Variants in DLG2 observed in about 807,000 individuals in gnomAD.
DLG2 encodes discs large MAGUK scaffold protein 2, also known as disks large homolog 2.
A neutral mutation model predicts 132.5 loss-of-function variants in DLG2; 45 were observed. That is an observed-to-expected ratio of 0.34 (90% confidence interval 0.27 to 0.44). The LOEUF is 0.44. DLG2 is among the 20% of genes least tolerant of loss of function. The pLI, the probability that DLG2 is intolerant of heterozygous loss-of-function variation, is 1.00. For synonymous variants in DLG2, 424 were observed against 419.6 expected (o/e 1.01, Z -0.13); for missense variants, 1,045 against 1,196.9 (o/e 0.87, Z 1.87).
intron 7 of DLG2, among the ~76,000 whole-genome samples, chr11:84,262,639 A>G (rs1272188656): frequency 2.0e-5 from 3 of 152,112 alleles, no homozygotes; most frequent in Non-Finnish European, 4.4e-5. Flanking sequence ...CGAGCAGTAT[A>G]CACTGCACCA....
At chr11:83,980,832 G>A (rs141737777) in intron 11 of DLG2, among the ~76,000 whole-genome samples, 190 bp from the exon 12 acceptor site, 327 of 152,250 alleles carry the variant, frequency 2.1e-3, no homozygotes, top group African/African-American at 6.9e-3. Flanking sequence ...ATGCAAATGA[G>A]GCAAAGATTT....
intron 15 of DLG2, among the ~76,000 whole-genome samples, chr11:83,878,802 C>T (rs560611434): frequency 7.2e-5 from 11 of 152,124 alleles, no homozygotes; most frequent in Non-Finnish European, 1.5e-4. Context: ...AGTCCCCTGT[C>T]GCCTGGTAGA....
At position 84,197,073 on chromosome 11, in the gene DLG2, A is replaced by G. The variant is rs529246059; in HGVS notation, c.574-33562T>C. 4.8e-4 allele frequency among the ~76,000 whole-genome samples: 73 copies of G among 151,680 alleles called. 1 individual carries two copies. The highest frequency in any genetic ancestry group is 1.7e-3 in the African/African-American group (71 of 41,482). The stretch of plus-strand genomic sequence containing the variant: ...AAAAAAAAAGAAAGAAAAGAAAAAA[A>G]AAACGAAAGAAAGAAATTGAAATAA... On this transcript the variant is annotated intron_variant, in intron 8 of 27. Transcript: ENST00000376104.
intron 3 of DLG2, among the ~76,000 whole-genome samples, chr11:85,543,468 G>A (rs1439205905): frequency 6.6e-6 from 1 of 152,146 alleles, no homozygotes; most frequent in Non-Finnish European, 1.5e-5. Context: ...GATCTTTATA[G>A]TAGAATGATT....
intron 6 of DLG2, among the ~76,000 whole-genome samples, chr11:84,991,490 C>T (rs1368888430): frequency 5.2e-5 from 6 of 114,748 alleles, no homozygotes; most frequent in Admixed American, 1.2e-4. Context: ...GCCTGGGCAA[C>T]AGAGTGAGAC....
At chr11:85,326,331 A>G (rs1024706886) in intron 3 of DLG2, among the ~76,000 whole-genome samples, 1 of 143,158 alleles carries the variant, frequency 7.0e-6, no homozygotes, top group Non-Finnish European at 1.5e-5. Context: ...CAGATTCACC[A>G]AAGTTGAAAT....
At position 84,367,449 on chromosome 11, in the gene DLG2, A is replaced by C. The variant is rs146253451; in HGVS notation, c.520-116158T>G. 4.1e-3 allele frequency among the ~76,000 whole-genome samples: 622 copies of C among 152,240 alleles called. 5 individuals are homozygous for C. Among genetic ancestry groups the C allele is most frequent in the African/African-American group, 0.014 (586 of 41,564 alleles). ...AACTGTAGTTGTCAAGTCCCATTCAAGCAGGATGATTGTTTGAAGTCTCGA... is the reference window on the plus strand; with the variant it reads ...AACTGTAGTTGTCAAGTCCCATTCACGCAGGATGATTGTTTGAAGTCTCGA... On this transcript the variant is annotated intron_variant, in intron 7 of 27. Transcript: ENST00000376104.
chr11:84,330,909 T>C (rs2098455526), intron 7 of DLG2, among the ~76,000 whole-genome samples: 1 of 152,252 alleles, frequency 6.6e-6, no homozygotes, highest in South Asian at 2.1e-4. Flanking sequence ...TTAGTGAACC[T>C]AGAACATAGG....
chr11:83,610,014 T>G (rs181162795), intron 19 of DLG2, among the ~76,000 whole-genome samples: 282 of 152,298 alleles, frequency 1.9e-3, no homozygotes, highest in Non-Finnish European at 3.0e-3. Flanking sequence ...ATTTTGACAG[T>G]GTAACCCCAG....
intron 7 of DLG2, among the ~76,000 whole-genome samples, chr11:84,303,644 G>A (rs1383697774): frequency 4.6e-5 from 7 of 152,108 alleles, no homozygotes; most frequent in Non-Finnish European, 1.0e-4. Context: ...CACTGAAATA[G>A]TATGACCCAC....
chr11:85,377,803 A>ATATATATATATGTG lies in DLG2; in HGVS notation c.41-92439_41-92438insCACATATATATATA, dbSNP rs35141583. ...TGTATACATATATATATATATATATATGTGTGTGTGTGTGTGTGTGTATAC... is the reference window on the plus strand; with the variant it reads ...TGTATACATATATATATATATATATATATATATATATGTGTGTGTGTGTGTGTGTGTGTGTATAC... On this transcript the variant is annotated intron_variant, in intron 3 of 27. Transcript: ENST00000376104. Among the ~76,000 whole-genome samples, 67 of 131,304 alleles carry ATATATATATATGTG rather than the reference A, an allele frequency of 5.1e-4. No homozygotes were observed. The Middle Eastern group carries it at 0.012, about 23-fold the overall frequency. 86.1% of individuals were successfully genotyped at this position (131,304 alleles called of 152,430 possible). A position where few individuals can be genotyped will look rare whatever the true frequency, so the allele number is the denominator to read the frequency against.
intron 15 of DLG2, among the ~76,000 whole-genome samples, chr11:83,889,261 A>T (rs577235244): frequency 6.6e-6 from 1 of 152,146 alleles, no homozygotes; most frequent in African/African-American, 2.4e-5. Flanking sequence ...AATTTACAAG[A>T]AAAAAACAAA....
intron 9 of DLG2, among the ~76,000 whole-genome samples, chr11:84,122,952 G>A (rs1223796971): frequency 6.6e-6 from 1 of 152,008 alleles, no homozygotes; most frequent in Non-Finnish European, 1.5e-5. Flanking sequence ...TTTATAAAAG[G>A]CAATTTGTTA....
At chr11:83,606,645 AG>A (rs531098845) in intron 19 of DLG2, among the ~76,000 whole-genome samples, 2,013 of 146,740 alleles carry the variant, frequency 0.014, 47 homozygotes, top group African/African-American at 0.048. Context: ...AAAAAAAAAA[AG>A]GCCGGGCGCG....
At chr11:85,176,589 C>T (rs553304081) in intron 4 of DLG2, among the ~76,000 whole-genome samples, 2 of 152,186 alleles carry the variant, frequency 1.3e-5, no homozygotes, top group South Asian at 4.1e-4. Flanking sequence ...AAAGCAATTG[C>T]AACAAAAGCA....
In DLG2 at chr11:84,392,906, A is replaced by G. The variant is rs988226694; in HGVS notation, c.520-141615T>C. ...CTTTGTAATGATAAACTTTTTTAAC[A>G]TAGCATAAATATAGTTGAAAATATA... On this transcript the variant is annotated intron_variant, in intron 7 of 27. Coordinates refer to ENST00000376104, the MANE Select transcript of DLG2 (RefSeq NM_001142699.3). Among the ~76,000 whole-genome samples, 5 of 152,316 alleles carry G rather than the reference A, an allele frequency of 3.3e-5. No homozygotes were observed. In the East Asian group the frequency reaches 9.6e-4, roughly 29 times the overall value.
chr11:84,212,221 G>T (rs1320045278), intron 8 of DLG2, among the ~76,000 whole-genome samples: 1 of 152,174 alleles, frequency 6.6e-6, no homozygotes, highest in Non-Finnish European at 1.5e-5. Context: ...TATGAAAATT[G>T]ATTAAACATA....
intron 6 of DLG2, among the ~76,000 whole-genome samples, chr11:84,694,159 G>A (rs144381210): frequency 1.3e-5 from 2 of 151,720 alleles, no homozygotes; most frequent in African/African-American, 4.8e-5. Context: ...AGCAGGTGGA[G>A]AAGGGAAGGA....
rs111644735 is a variant in DLG2 at position 84,819,076 on chromosome 11, T to TACACACACACACACACACACACAC, written c.358-284369_358-284346dup. 5.5e-3 allele frequency among the ~76,000 whole-genome samples: 713 copies of TACACACACACACACACACACACAC among 129,458 alleles called. 14 individuals carry two copies. Among genetic ancestry groups the TACACACACACACACACACACACAC allele is most frequent in the Middle Eastern group, 8.3e-3 (2 of 242 alleles). 84.9% of individuals were successfully genotyped at this position (129,458 alleles called of 152,430 possible). On this transcript the variant is annotated intron_variant, in intron 6 of 27. Coordinates refer to ENST00000376104, the MANE Select transcript of DLG2 (RefSeq NM_001142699.3). ...TGGCCCACACTCCCTCACTCACAAA[T>TACACACACACACACACACACACAC]ACACACACACACACACACACACACA...
Sources: allele counts gnomAD v4.1 joint callset (sites outside exome capture counted in the v4.1 genomes callset), GRCh38; gene constraint gnomAD v4.1.1; transcripts MANE v1.5; gene names NCBI Gene and HGNC (gene_info 2026-07-23, HGNC 2026-07-21).